The following ZNF217 variants were observed in gnomAD, a reference collection of about 807,000 sequenced individuals.
ZNF217 encodes the protein zinc finger protein 217.
Under a neutral mutation model 73.3 loss-of-function variants are expected in ZNF217, and 12 were observed. The ratio of observed to expected loss-of-function variants is 0.16; its 90% CI spans 0.10 to 0.27. The LOEUF is 0.27. Ranked by LOEUF, ZNF217 falls within the 10% of genes least tolerant of loss-of-function variation. The pLI is 1.00. For synonymous variants in ZNF217, 588 were observed against 516.4 expected (o/e 1.14, Z -1.88); for missense variants, 1,195 against 1,327.8 (o/e 0.90, Z 1.55).
rs973667279 is a variant in ZNF217, at chr20:53,593,033, A to G, written c.-343+723T>C. On this transcript the variant is annotated intron_variant, in intron 1 of 5. Coordinates refer to ENST00000371471, the MANE Select transcript of ZNF217 (RefSeq NM_006526.3). Reference sequence around the variant, plus strand: ...AAAAATCTTTAAAATTAGAGGAGGGAAAAAAAAAGCCACCTTATCGCACAC... The same window carrying G: ...AAAAATCTTTAAAATTAGAGGAGGGGAAAAAAAAGCCACCTTATCGCACAC... 1.8e-4 allele frequency among the ~76,000 whole-genome samples: 27 copies of G among 150,692 alleles called. 1 individual carries two copies. The highest frequency in any genetic ancestry group is 1.1e-3 in the Admixed American group (17 of 15,154).
chr20:53,572,734 T>G (rs964845235), intron 4 of ZNF217: 1 of 152,210 alleles, frequency 6.6e-6, no homozygotes, highest in Non-Finnish European at 1.5e-5. Flanking sequence ...AAACTGAATC[T>G]GTTTCTTTGG....
At position 53,582,210 on chromosome 20, in the gene ZNF217, T is replaced by A; in HGVS notation, c.617A>T (p.His206Leu). The part of the protein sequence containing the change: ...PATINEVVQV[H>L]AAESISSPYK... ...AGGAGAGGAGATGCTCTCGGCCGCG[T>A]GCACCTGGACGACCTCGTTGATCGT... The change falls in exon 2 of 6, where the codon CAC becomes CTC. Residue 206 changes from histidine to leucine, a missense_variant. His to Leu is a moderately conservative substitution (Grantham distance 99). This residue lies in a region of ZNF217 where 126 missense variants were observed against 114.4 expected (regional missense o/e 1.10). Transcript: ENST00000371471. This position sits in a 1 kb window ranked among gnomAD's most constrained non-coding sequence, Gnocchi z 4.8. 1.2e-6 allele frequency: 2 copies of A among 1,614,134 alleles called. No individual in the cohort carries two copies. Among genetic ancestry groups the A allele is most frequent in the Non-Finnish European group, 1.7e-6 (2 of 1,180,052 alleles).
chr20:53,595,796 CAA>C (rs1989031643), upstream of ZNF217, among the ~76,000 whole-genome samples: 1 of 151,856 alleles, frequency 6.6e-6, no homozygotes, highest in South Asian at 2.1e-4. Flanking sequence ...AAACACAGTC[CAA>C]AAACACTTCA....
At chr20:53,579,816 T>C (rs534463073) in intron 2 of ZNF217, among the ~76,000 whole-genome samples, 20 of 152,254 alleles carry the variant, frequency 1.3e-4, no homozygotes, top group East Asian at 1.2e-3. Flanking sequence ...AACAGGGAAA[T>C]AGTAGCAAAG....
At position 53,576,031 on chromosome 20, in the gene ZNF217, T is replaced by C. The variant is rs377522485; in HGVS notation, c.2733A>G (p.Glu911=). The C allele has an allele frequency of 2.8e-4, 446 of 1,614,098 alleles. 1 individual carries two copies. The highest frequency in any genetic ancestry group is 3.6e-4 in the Non-Finnish European group (422 of 1,180,034). ...CNRSASNTAA[E]FGEPLPKRLK... ...GTCTTTTTGGAAGGGGCTCACCAAATTCTGCTGCAGTATTGCTGGCACTCC... is the reference window on the plus strand; with the variant it reads ...GTCTTTTTGGAAGGGGCTCACCAAACTCTGCTGCAGTATTGCTGGCACTCC... Residue 911 remains glutamate, a synonymous_variant, in exon 4 of 6, where the codon GAA becomes GAG. Transcript: ENST00000371471.
At chr20:53,573,105 T>C (rs6126874) in intron 4 of ZNF217, among the ~76,000 whole-genome samples, 6,684 of 150,912 alleles carry the variant, frequency 0.044, 252 homozygotes, top group East Asian at 0.15. Flanking sequence ...ATCTGCAGTA[T>C]TCATAGTATC....
At chr20:53,590,251 G>A (rs1988832773) in intron 1 of ZNF217, among the ~76,000 whole-genome samples, 1 of 152,170 alleles carries the variant, frequency 6.6e-6, no homozygotes, top group Non-Finnish European at 1.5e-5. Flanking sequence ...CCATTGCTCA[G>A]TCCTTCAGCT....
rs770617623 is a variant in ZNF217, at chr20:53,581,448, C to CA, written c.1366+12dup. 6.3e-7 allele frequency: 1 copy of CA among 1,595,206 alleles called. No homozygotes were observed. Among genetic ancestry groups the CA allele is most frequent in the Non-Finnish European group, 8.6e-7 (1 of 1,168,426 alleles). On this transcript the variant is annotated intron_variant, in intron 2 of 5. Transcript: ENST00000371471. This position sits in a 1 kb window ranked among gnomAD's most constrained non-coding sequence, Gnocchi z 4.9. Reference sequence around the variant, plus strand: ...CAGGCGGAACAGCACGGGACGGAGACAGGGCAGCTTACCCAGATGGATTCC... The same window carrying CA: ...CAGGCGGAACAGCACGGGACGGAGACAAGGGCAGCTTACCCAGATGGATTCC...
Position 53,581,797 on chromosome 20 carries a change from G to C in ZNF217, c.1030C>G (p.Leu344Val), listed in dbSNP as rs1988506321. Residue 344 changes from leucine to valine, a missense_variant, in exon 2 of 6, where the codon CTC (leucine) becomes GTC (valine). By Grantham distance (32) the Leu-to-Val change is conservative. Coordinates refer to ENST00000371471, the MANE Select transcript of ZNF217 (RefSeq NM_006526.3). This position sits in a 1 kb window ranked among gnomAD's most constrained non-coding sequence, Gnocchi z 4.9. Reference sequence around the variant, plus strand: ...TTGCACTTCTCTTTCTCTTGCGAGAGGCCTGCACAACTGCCCTTATTTGTT... The same window carrying C: ...TTGCACTTCTCTTTCTCTTGCGAGACGCCTGCACAACTGCCCTTATTTGTT... ...GETNKGSCAG[L>V]SQEKEKCKHS... 1 of 1,614,236 alleles carries C rather than the reference G, an allele frequency of 6.2e-7. No individual in the cohort carries two copies. Among genetic ancestry groups the C allele is most frequent in the African/African-American group, 1.3e-5 (1 of 75,056 alleles).
At chr20:53,573,239 T>C (rs1988096392) in intron 4 of ZNF217, among the ~76,000 whole-genome samples, 1 of 151,734 alleles carries the variant, frequency 6.6e-6, no homozygotes, top group Non-Finnish European at 1.5e-5. Context: ...TTCTCTTGCC[T>C]CAGCCTCTGG....
chr20:53,593,789 C>T lies in ZNF217; in HGVS notation c.-376G>A, dbSNP rs1988973666. 1 of 143,752 alleles carries T rather than the reference C, an allele frequency of 7.0e-6. No individual in the cohort carries two copies. Among genetic ancestry groups the T allele is most frequent in the Non-Finnish European group, 1.5e-5 (1 of 65,670 alleles). The allele number at this position is 143,752 out of a possible 1,614,324, so 8.9% of individuals were successfully genotyped here. A position where few individuals can be genotyped will look rare whatever the true frequency, so the allele number is the denominator to read the frequency against. ...CCGGCTCCTCGGCCATTTCCTCGCGCGGCGGCGGCCGGGACTGAGCTGACA... is the reference window on the plus strand; with the variant it reads ...CCGGCTCCTCGGCCATTTCCTCGCGTGGCGGCGGCCGGGACTGAGCTGACA... On this transcript the variant is annotated 5_prime_UTR_variant, in exon 1 of 6. Transcript: ENST00000371471.
rs752361720 is a variant in ZNF217, at chr20:53,582,798, G to A, written c.29C>T (p.Pro10Leu). MQSKVTGNM[P>L]TQSLLMYMDG... ...CATGTACATTAAGAGGGATTGAGTT[G>A]GCATGTTTCCTGTCACTTTCGATTG... Residue 10 changes from proline (P) to leucine (L), a missense_variant, in exon 2 of 6, where the codon CCA (proline) becomes CTA (leucine). By Grantham distance (98) the Pro-to-Leu change is moderately conservative (BLOSUM62 -3). Coordinates refer to ENST00000371471, the MANE Select transcript of ZNF217 (RefSeq NM_006526.3). This position sits in a 1 kb window ranked among gnomAD's most constrained non-coding sequence, Gnocchi z 4.8. The A allele has an allele frequency of 3.1e-5, 50 of 1,604,586 alleles. No homozygotes were observed. Among genetic ancestry groups the A allele is most frequent in the Non-Finnish European group, 4.0e-5 (47 of 1,174,364 alleles).
chr20:53,590,730 C>T (rs1433076936), intron 1 of ZNF217, among the ~76,000 whole-genome samples: 10 of 152,110 alleles, frequency 6.6e-5, no homozygotes, highest in Non-Finnish European at 5.9e-5. Context: ...CAAAAACATG[C>T]CATTTCATAA....
intron 4 of ZNF217, among the ~76,000 whole-genome samples, chr20:53,572,242 C>T (rs1388667116): frequency 3.3e-5 from 5 of 152,036 alleles, no homozygotes; most frequent in Non-Finnish European, 7.4e-5. Flanking sequence ...CTCTTCTCTA[C>T]TAAAAATAAA....
At position 53,575,860 on chromosome 20, in the gene ZNF217, G is replaced by A. The variant is rs768480969; in HGVS notation, c.2904C>T (p.Pro968=). The change falls in exon 4 of 6, where the codon CCC becomes CCT. Residue 968 remains proline (P), a synonymous_variant. Coordinates refer to ENST00000371471, the MANE Select transcript of ZNF217 (RefSeq NM_006526.3). ...CGCTGGAGCTCAGGAACCTTGGTTT[G>A]GGAGGCAGCGCCTGCGACGGATACA... ...DCVYPSQALP[P]KPRFLSSSEV... 10 of 1,614,092 alleles carry A rather than the reference G, an allele frequency of 6.2e-6. 2 individuals are homozygous for A. The Admixed American group carries it at 1.7e-4, about 27-fold the overall frequency.
chr20:53,569,041 G>C lies in ZNF217; in HGVS notation c.*247C>G, dbSNP rs1987868432. 3 of 980,698 alleles carry C rather than the reference G, an allele frequency of 3.1e-6. No homozygotes were observed. Among genetic ancestry groups the C allele is most frequent in the East Asian group, 2.0e-4 (2 of 9,894 alleles). 60.7% of individuals were successfully genotyped at this position (980,698 alleles called of 1,614,324 possible). The stretch of plus-strand genomic sequence containing the variant: ...TTCAGGGACAAAATAGAGATTTCCA[G>C]TCCCCATGTATGTAAGTTCCAACTG... On this transcript the variant is annotated 3_prime_UTR_variant, in exon 6 of 6. Coordinates refer to ENST00000371471, the MANE Select transcript of ZNF217 (RefSeq NM_006526.3).
At chr20:53,588,340 G>GA (rs1028348128) in intron 1 of ZNF217, among the ~76,000 whole-genome samples, 1 of 151,614 alleles carries the variant, frequency 6.6e-6, no homozygotes, top group Non-Finnish European at 1.5e-5. Flanking sequence ...ATCCTGATCT[G>GA]AAAAAAAGTT....
intron 1 of ZNF217, among the ~76,000 whole-genome samples, chr20:53,584,601 A>C (rs2145965459): frequency 6.6e-6 from 1 of 152,332 alleles, no homozygotes; most frequent in East Asian, 1.9e-4. Flanking sequence ...CACTCCAGAG[A>C]CCCGAGTTCT....
At chr20:53,594,631 C>G (rs943207562), upstream of ZNF217, among the ~76,000 whole-genome samples, 1 of 151,826 alleles carries the variant, frequency 6.6e-6, no homozygotes, top group East Asian at 1.9e-4. Context: ...GACAGGTACC[C>G]GGGGAGGCCG....
Sources: allele counts gnomAD v4.1 joint callset (sites outside exome capture counted in the v4.1 genomes callset), GRCh38; gene constraint gnomAD v4.1.1; regional missense constraint gnomAD v4.1.1; non-coding constraint Gnocchi (gnomAD v3.1); transcripts MANE v1.5; gene names NCBI Gene and HGNC (gene_info 2026-07-23, HGNC 2026-07-21).